The following VKORC1L1 variants were observed in gnomAD, a reference collection of about 807,000 sequenced individuals.
The protein encoded by VKORC1L1 is vitamin K epoxide reductase complex subunit 1-like protein 1.
A neutral mutation model predicts 18.9 loss-of-function variants in VKORC1L1; 2 were observed. That is an observed-to-expected ratio of 0.11 (90% CI 0.04 to 0.33). VKORC1L1 has a LOEUF of 0.33. Ranked by LOEUF, VKORC1L1 falls within the 10% of genes least tolerant of loss-of-function variation. VKORC1L1 has a pLI of 1.00. For missense variants in VKORC1L1, 123 were observed against 224.1 expected (o/e 0.55, Z 2.88); for synonymous variants, 96 against 100.0 (o/e 0.96, Z 0.24).
chr7:65,894,454 A>C (rs918649305), intron 1 of VKORC1L1, among the ~76,000 whole-genome samples: 3 of 152,172 alleles, frequency 2.0e-5, no homozygotes, highest in Non-Finnish European at 1.5e-5. Flanking sequence ...CTACTTAGAA[A>C]TAAATTGGGG....
At chr7:65,900,281 T>C (rs1263588717) in intron 1 of VKORC1L1, among the ~76,000 whole-genome samples, 1 of 151,224 alleles carries the variant, frequency 6.6e-6, no homozygotes, top group Non-Finnish European at 1.5e-5. Context: ...TCTCAGCTAC[T>C]CGGGAGGCTG....
At position 65,957,860 on chromosome 7, in the gene VKORC1L1, G is replaced by A. The variant is rs1027427830; in HGVS notation, c.*3560G>A. On this transcript the variant is annotated 3_prime_UTR_variant, in exon 3 of 3. Coordinates refer to ENST00000360768, the MANE Select transcript of VKORC1L1 (RefSeq NM_173517.6). ...AAAAAAATAAAAATAAAAACTATTT[G>A]TTGACTTTTGTTTTTCATTTAGTTT... 1 of 133,856 alleles carries A rather than the reference G, an allele frequency of 7.5e-6. No individual in the cohort carries two copies. Among genetic ancestry groups the A allele is most frequent in the Non-Finnish European group, 1.7e-5 (1 of 57,224 alleles). 8.3% of individuals were successfully genotyped at this position (133,856 alleles called of 1,614,324 possible).
At chr7:65,929,639 G>GAT (rs145751275) in intron 1 of VKORC1L1, among the ~76,000 whole-genome samples, 3,469 of 138,042 alleles carry the variant, frequency 0.025, 74 homozygotes, top group East Asian at 0.092. Flanking sequence ...AAATGCTACT[G>GAT]ATATATATAT....
intron 1 of VKORC1L1, among the ~76,000 whole-genome samples, chr7:65,887,825 A>G (rs554935479): frequency 6.6e-6 from 1 of 151,672 alleles, no homozygotes; most frequent in East Asian, 1.9e-4. Flanking sequence ...TTTTCCTGTC[A>G]TTTAAAAAAA....
intron 1 of VKORC1L1, among the ~76,000 whole-genome samples, chr7:65,900,318 AG>A (rs1789293294): frequency 6.6e-6 from 1 of 150,684 alleles, no homozygotes. Context: ...TGAACCCGGG[AG>A]GGGAGGCGGA....
At chr7:65,930,759 C>T (rs1467582303) in intron 1 of VKORC1L1, among the ~76,000 whole-genome samples, 1 of 151,720 alleles carries the variant, frequency 6.6e-6, no homozygotes, top group Admixed American at 6.6e-5. Flanking sequence ...TCTTTCAGTA[C>T]AATGTTGAGT....
chr7:65,892,974 C>G (rs998813899), intron 1 of VKORC1L1, among the ~76,000 whole-genome samples: 2 of 152,184 alleles, frequency 1.3e-5, no homozygotes, highest in Non-Finnish European at 2.9e-5. Flanking sequence ...TTTTGCCTCA[C>G]ACTCATTCTC....
chr7:65,895,470 AAAAAAAAAAAATATATATATATATATAT>A (rs1789180215), intron 1 of VKORC1L1, among the ~76,000 whole-genome samples: 1 of 54,304 alleles, frequency 1.8e-5, no homozygotes, highest in Non-Finnish European at 3.3e-5. Context: ...AAAAAAAAAA[AAAAAAAAAAAATATATATATATATATAT>A]ATATATATAT....
chr7:65,957,195 A>T lies in VKORC1L1; in HGVS notation c.*2895A>T, dbSNP rs577231665. The T allele has an allele frequency of 2.0e-5, 3 of 152,360 alleles. No homozygotes were observed. In the East Asian group the frequency reaches 5.8e-4, roughly 29 times the overall value. 9.4% of individuals were successfully genotyped at this position (152,360 alleles called of 1,614,324 possible). A position where few individuals can be genotyped will look rare whatever the true frequency, so the allele number is the denominator to read the frequency against. On this transcript the variant is annotated 3_prime_UTR_variant, in exon 3 of 3. Transcript: ENST00000360768. ...GACTATTTTCATTCAAAGAAACTAC[A>T]TTCGGCCGGGCACGGTGGCTCACGC... is the stretch of plus-strand genomic sequence containing the variant.
intron 1 of VKORC1L1, among the ~76,000 whole-genome samples, chr7:65,879,751 CCTT>C (rs1243196110): frequency 1.3e-5 from 2 of 151,496 alleles, no homozygotes; most frequent in East Asian, 3.9e-4. Flanking sequence ...TTCCTTCCTT[CCTT>C]TTCTTTATTT....
intron 1 of VKORC1L1, among the ~76,000 whole-genome samples, chr7:65,920,713 G>T (rs937262134): frequency 6.6e-6 from 1 of 151,816 alleles, no homozygotes; most frequent in Non-Finnish European, 1.5e-5. Context: ...AATTAAAGAT[G>T]GGCCAGGCAC....
intron 1 of VKORC1L1, among the ~76,000 whole-genome samples, chr7:65,897,621 T>G (rs549478019): frequency 6.6e-6 from 1 of 151,968 alleles, no homozygotes; most frequent in South Asian, 2.1e-4. Context: ...AATTGTGGTG[T>G]TAGAAGTCAG....
chr7:65,925,936 T>C (rs1327598507), intron 1 of VKORC1L1, among the ~76,000 whole-genome samples: 1 of 151,940 alleles, frequency 6.6e-6, no homozygotes, highest in Non-Finnish European at 1.5e-5. Flanking sequence ...AGGAGGCTGG[T>C]GGAAATGATT....
At chr7:65,872,352 G>A (rs566979538), upstream of VKORC1L1, among the ~76,000 whole-genome samples, 17 of 149,960 alleles carry the variant, frequency 1.1e-4, no homozygotes, top group East Asian at 2.4e-3. Context: ...TTACTCTATC[G>A]CCCAGGCTGG....
At chr7:65,890,932 G>A (rs991010314) in intron 1 of VKORC1L1, among the ~76,000 whole-genome samples, 2 of 151,986 alleles carry the variant, frequency 1.3e-5, no homozygotes, top group East Asian at 1.9e-4. Context: ...GAATATTTCC[G>A]TCACCCAGAA....
At chr7:65,912,954 C>T (rs552399758) in intron 1 of VKORC1L1, among the ~76,000 whole-genome samples, 1 of 152,114 alleles carries the variant, frequency 6.6e-6, no homozygotes, top group South Asian at 2.1e-4. Context: ...AGCACCGGTC[C>T]GTGGAACCCA....
intron 1 of VKORC1L1, among the ~76,000 whole-genome samples, chr7:65,936,478 CCTT>C (rs1452365685): frequency 6.6e-6 from 1 of 152,176 alleles, no homozygotes; most frequent in East Asian, 1.9e-4. Context: ...CTCTGCCTCT[CCTT>C]CTGTGGGTGA....
intron 1 of VKORC1L1, among the ~76,000 whole-genome samples, chr7:65,897,774 G>A (rs1789240413): frequency 6.7e-6 from 1 of 150,152 alleles, no homozygotes; most frequent in East Asian, 2.0e-4. Flanking sequence ...TAAGAATTAT[G>A]TACTGTTCTG....
In VKORC1L1 at chr7:65,899,861, G is replaced by A. The variant is rs536271240; in HGVS notation, c.194+26296G>A. Reference sequence around the variant, plus strand: ...CTAAAAATACAAAAATTAGCCAGGCGTGGTGGTACATGCCTGTAATCCCAG... The same window carrying A: ...CTAAAAATACAAAAATTAGCCAGGCATGGTGGTACATGCCTGTAATCCCAG... On this transcript the variant is annotated intron_variant, in intron 1 of 2. Transcript: ENST00000360768. 4.1e-3 allele frequency among the ~76,000 whole-genome samples: 617 copies of A among 152,210 alleles called. 7 individuals carry two copies. The highest frequency in any genetic ancestry group is 0.013 in the African/African-American group (557 of 41,524).
Sources: allele counts gnomAD v4.1 joint callset (sites outside exome capture counted in the v4.1 genomes callset), GRCh38; gene constraint gnomAD v4.1.1; transcripts MANE v1.5; gene names NCBI Gene and HGNC (gene_info 2026-07-23, HGNC 2026-07-21).